SEC24C: variants seen among roughly 807,000 people sequenced by gnomAD.
SEC24C encodes the protein protein transport protein Sec24C.
SEC24C carries 22 observed loss-of-function variants against 117.0 expected under a neutral mutation model. The ratio of observed to expected loss-of-function variants is 0.19; its 90% confidence interval spans 0.13 to 0.27. SEC24C has a LOEUF of 0.27. Ranked by LOEUF, SEC24C falls within the 10% of genes least tolerant of loss-of-function variation. The pLI is 1.00. For missense variants in SEC24C, 1,155 were observed against 1,375.1 expected (o/e 0.84, Z 2.53); for synonymous variants, 506 against 529.4 (o/e 0.96, Z 0.61).
intron 3 of SEC24C, among the ~76,000 whole-genome samples, chr10:73,757,084 GT>G (rs2082720697): frequency 7.0e-6 from 1 of 142,722 alleles, no homozygotes; most frequent in African/African-American, 2.6e-5. Context: ...GCTAATTTTT[GT>G]ATTTTTTTAG....
chr10:73,750,869 C>T (rs2082632882), intron 2 of SEC24C, among the ~76,000 whole-genome samples: 1 of 152,210 alleles, frequency 6.6e-6, no homozygotes, highest in African/African-American at 2.4e-5. Context: ...TCTTGTGCCT[C>T]TGGCTACAGC....
At position 73,766,192 on chromosome 10, in the gene SEC24C, T is replaced by C. The variant is rs748917945; in HGVS notation, c.1589T>C (p.Leu530Pro). 6.2e-7 allele frequency: 1 copy of C among 1,612,740 alleles called. No individual in the cohort carries two copies. Among genetic ancestry groups the C allele is most frequent in the Admixed American group, 1.7e-5 (1 of 59,640 alleles). The change falls in exon 11 of 23, where the codon CTG becomes CCG. Residue 530 changes from leucine (L) to proline (P), a missense_variant. By Grantham distance (98) the Leu-to-Pro change is moderately conservative. Around this residue, in one of 2 missense-constraint regions of SEC24C, gnomAD observed 759 missense variants for 992.3 expected, o/e 0.76. Coordinates refer to ENST00000345254, the MANE Select transcript of SEC24C (RefSeq NM_198597.3). ...VRLLCEELKS[L>P]LDFLPREGGA... ...CTCCTCTGTGAGGAGCTCAAGTCAC[T>C]GTTAGACTTTCTACCTAGGTGAGAG...
chr10:73,759,612 CT>C lies in SEC24C; in HGVS notation c.309-6del. The C allele has an allele frequency of 6.7e-7, 1 of 1,503,142 alleles. No individual in the cohort carries two copies. The highest frequency in any genetic ancestry group is 1.4e-5 in the South Asian group (1 of 73,848). 93.1% of individuals were successfully genotyped at this position (1,503,142 alleles called of 1,614,324 possible). On this transcript the variant is annotated splice_polypyrimidine_tract_variant and intron_variant, in intron 3 of 22. Coordinates refer to ENST00000345254, the MANE Select transcript of SEC24C (RefSeq NM_198597.3). Reference sequence around the variant, plus strand: ...CCCACTAGTCACCTCTGCTTGCTTTCTTTTCACAGGCTGCCTGGGTCTCAGC... The same window carrying C: ...CCCACTAGTCACCTCTGCTTGCTTTCTTTCACAGGCTGCCTGGGTCTCAGC...
chr10:73,760,130 G>T lies in SEC24C; in HGVS notation c.594G>T (p.Gly198=), dbSNP rs766811088. ...PPLSQAQGHP[G]IQTPQRSAPS... ...TTAGCCAGGCCCAAGGTCATCCTGG[G>T]ATCCAGACTCCCCAGCGATCTGCCC... Residue 198 remains glycine, a synonymous_variant, in exon 5 of 23, where the codon GGG becomes GGT. Coordinates refer to ENST00000345254, the MANE Select transcript of SEC24C (RefSeq NM_198597.3). The T allele has an allele frequency of 1.2e-6, 2 of 1,614,102 alleles. No individual in the cohort carries two copies. The highest frequency in any genetic ancestry group is 1.7e-6 in the Non-Finnish European group (2 of 1,179,984).
At chr10:73,752,903 AACT>A (rs1445409412) in intron 3 of SEC24C, among the ~76,000 whole-genome samples, 10 of 152,216 alleles carry the variant, frequency 6.6e-5, no homozygotes, top group Non-Finnish European at 1.5e-4. Context: ...ACTCCTTTGT[AACT>A]ACAACTACGA....
In SEC24C at chr10:73,746,964, C is replaced by T. The variant is rs766220743; in HGVS notation, c.132C>T (p.Tyr44=). 3.1e-5 allele frequency: 50 copies of T among 1,613,816 alleles called. No individual in the cohort carries two copies. In the Admixed American group the frequency reaches 8.2e-4, roughly 26 times the overall value. ...CCCCCGCCATTCCCTATGGAGCCTA[C>T]AATGGCCCAGTACCAGGCTATCAGC... ...STAPAIPYGA[Y]NGPVPGYQQT... Residue 44 remains tyrosine (Y), a synonymous_variant, in exon 2 of 23, where the codon TAC becomes TAT. Coordinates refer to ENST00000345254, the MANE Select transcript of SEC24C (RefSeq NM_198597.3).
chr10:73,760,061 C>T lies in SEC24C; in HGVS notation c.525C>T (p.Asn175=). 6.2e-7 allele frequency: 1 copy of T among 1,607,728 alleles called. No individual in the cohort carries two copies. Residue 175 remains asparagine, a synonymous_variant, in exon 5 of 23, where the codon AAC becomes AAT. Coordinates refer to ENST00000345254, the MANE Select transcript of SEC24C (RefSeq NM_198597.3). ...CTTCAGCCTCAGGAAGTTTCCCTAA[C>T]TCTGGTCTGTATGGCTCCTATCCTC... ...SLASASGSFP[N]SGLYGSYPQG... is the part of the protein sequence containing the mutation.
rs1185199949 is a variant in SEC24C at position 73,769,227 on chromosome 10, A to G, written c.2424+75A>G. On this transcript the variant is annotated intron_variant, in intron 17 of 22. Coordinates refer to ENST00000345254, the MANE Select transcript of SEC24C (RefSeq NM_198597.3). The surrounding 1 kb of genome is among the most constrained non-coding windows in gnomAD (Gnocchi z 4.5). ...ATAGAAGAGGGTGAGGAATGGGTAG[A>G]GAGCACTAAAAGAAGAGACAGGGCA... The G allele has an allele frequency of 5.0e-6, 8 of 1,593,306 alleles. No homozygotes were observed. Among genetic ancestry groups the G allele is most frequent in the Non-Finnish European group, 6.8e-6 (8 of 1,168,662 alleles).
Position 73,767,820 on chromosome 10 carries a change from A to G in SEC24C, c.2011-17A>G. 2 of 1,577,174 alleles carry G rather than the reference A, an allele frequency of 1.3e-6. No individual in the cohort carries two copies. Among genetic ancestry groups the G allele is most frequent in the Non-Finnish European group, 1.7e-6 (2 of 1,159,792 alleles). On this transcript the variant is annotated splice_polypyrimidine_tract_variant and intron_variant, in intron 14 of 22. Coordinates refer to ENST00000345254, the MANE Select transcript of SEC24C (RefSeq NM_198597.3). ...GATATTTGAACATTTTCTTCTCCCC[A>G]TTTTCTTTCCCCCTAGACTCTGTTC...
chr10:73,762,337 T>C (rs1589522499), intron 6 of SEC24C, among the ~76,000 whole-genome samples: 4 of 152,160 alleles, frequency 2.6e-5, no homozygotes, highest in African/African-American at 4.8e-5. Context: ...TATGCATGCC[T>C]CAAGTCACCA....
rs184242189 is a variant in SEC24C at position 73,768,813 on chromosome 10, G to A, written c.2185G>A (p.Glu729Lys). 2 of 1,613,098 alleles carry A rather than the reference G, an allele frequency of 1.2e-6. No homozygotes were observed. Among genetic ancestry groups the A allele is most frequent in the Admixed American group, 3.3e-5 (2 of 60,026 alleles). ...SVYKYASFQV[E>K]NDQERFLSDL... is the part of the protein sequence containing the mutation. ...CTCTGGACCTGGGGGCCTGCAGGTG[G>A]AGAACGACCAGGAGCGGTTCCTGAG... Residue 729 changes from glutamate (E) to lysine (K), a missense_variant, in exon 16 of 23, where the codon GAG becomes AAG. Glu to Lys is a moderately conservative substitution (Grantham distance 56). This residue lies in a region of SEC24C where 759 missense variants were observed against 992.3 expected (regional missense o/e 0.76). Transcript: ENST00000345254.
At chr10:73,753,490 G>T (rs2082670494) in intron 3 of SEC24C, among the ~76,000 whole-genome samples, 2 of 152,118 alleles carry the variant, frequency 1.3e-5, no homozygotes, top group Admixed American at 1.3e-4. Context: ...TGCAATATAG[G>T]GAGACCCCAA....
intron 2 of SEC24C, among the ~76,000 whole-genome samples, chr10:73,750,618 G>A (rs1237622670): frequency 6.6e-6 from 1 of 152,218 alleles, no homozygotes; most frequent in Non-Finnish European, 1.5e-5. Context: ...TATAGTTAGT[G>A]TAAGCAGAAT....
chr10:73,753,329 G>A (rs1407888341), intron 3 of SEC24C, among the ~76,000 whole-genome samples: 1 of 152,198 alleles, frequency 6.6e-6, no homozygotes, highest in African/African-American at 2.4e-5. Context: ...TGGGATTACA[G>A]GTGTGAGCCA....
rs1389680850 is a variant in SEC24C, at chr10:73,760,403, G to A, written c.850+17G>A. The A allele has an allele frequency of 1.3e-6, 2 of 1,569,702 alleles. No homozygotes were observed. The highest frequency in any genetic ancestry group is 1.7e-6 in the Non-Finnish European group (2 of 1,160,148). On this transcript the variant is annotated intron_variant, in intron 5 of 22. Coordinates refer to ENST00000345254, the MANE Select transcript of SEC24C (RefSeq NM_198597.3). The stretch of plus-strand genomic sequence containing the variant: ...AACAAAATGGTGAGTCTTTCCCAAG[G>A]TCTGTCTTAGAAGCTAGAGGCTTCA...
At chr10:73,768,423 G>A (rs902023361) in intron 15 of SEC24C, among the ~76,000 whole-genome samples, 1 of 152,172 alleles carries the variant, frequency 6.6e-6, no homozygotes, top group African/African-American at 2.4e-5. Context: ...ATAGTCTGAA[G>A]AAGTGAGCCC....
chr10:73,751,473 C>A (rs1589511731), intron 3 of SEC24C, among the ~76,000 whole-genome samples: 1 of 152,242 alleles, frequency 6.6e-6, no homozygotes, highest in South Asian at 2.1e-4. Flanking sequence ...GCAGAAGAAT[C>A]ATGAGGCAGA....
chr10:73,757,068 GCC>G, intron 3 of SEC24C, among the ~76,000 whole-genome samples: 1 of 148,840 alleles, frequency 6.7e-6, no homozygotes, highest in Admixed American at 6.6e-5. Flanking sequence ...GCACTACCAC[GCC>G]TGGGCTAATT....
At position 73,759,676 on chromosome 10, in the gene SEC24C, A is replaced by G; in HGVS notation, c.363A>G (p.Pro121=). Reference sequence around the variant, plus strand: ...CATTGGCCCCTGTGGGCAACCAGCCACCTGTGCTTCAGCCCTATGGCCCTC... The same window carrying G: ...CATTGGCCCCTGTGGGCAACCAGCCGCCTGTGCTTCAGCCCTATGGCCCTC... ...GSPLAPVGNQ[P]PVLQPYGPPP... The change falls in exon 4 of 23, where the codon CCA becomes CCG. Residue 121 remains proline, a synonymous_variant. Coordinates refer to ENST00000345254, the MANE Select transcript of SEC24C (RefSeq NM_198597.3). 6.3e-7 allele frequency: 1 copy of G among 1,586,478 alleles called. No individual in the cohort carries two copies. Among genetic ancestry groups the G allele is most frequent in the Non-Finnish European group, 8.6e-7 (1 of 1,169,310 alleles).
Sources: gnomAD v4.1 joint callset for allele counts (sites outside exome capture counted in the v4.1 genomes callset) on GRCh38, gnomAD v4.1.1 for gene constraint, gnomAD v4.1.1 regional missense constraint, Gnocchi (gnomAD v3.1) non-coding constraint, MANE v1.5 for transcripts, NCBI Gene and HGNC (gene_info 2026-07-23, HGNC 2026-07-21) for gene names.